STAG3: variants seen among roughly 807,000 people sequenced by gnomAD.
STAG3 encodes the protein cohesin subunit SA-3.
In STAG3, 101 loss-of-function variants were observed where a neutral mutation model predicts 160.7. That is an observed-to-expected ratio of 0.63 (90% CI 0.54 to 0.74). The LOEUF (loss-of-function observed/expected upper bound fraction) is 0.74. Ranked by LOEUF, STAG3 falls within the 30% of genes least tolerant of loss-of-function variation. The pLI, the probability that STAG3 is intolerant of heterozygous loss-of-function variation, is 0.00. For synonymous variants in STAG3, 519 were observed against 585.0 expected (o/e 0.89, Z 1.63); for missense variants, 1,188 against 1,517.4 (o/e 0.78, Z 3.61).
chr7:100,204,614 C>G lies in STAG3; in HGVS notation c.2803-13C>G, dbSNP rs752531607. Reference sequence around the variant, plus strand: ...CCTCCCTTTCCCACATGCACCATGTCTCCTGGACACAGCTGTACACAGAAC... The same window carrying G: ...CCTCCCTTTCCCACATGCACCATGTGTCCTGGACACAGCTGTACACAGAAC... On this transcript the variant is annotated splice_polypyrimidine_tract_variant and intron_variant, in intron 26 of 33. Transcript: ENST00000615138. 1 of 1,613,122 alleles carries G rather than the reference C, an allele frequency of 6.2e-7. No individual in the cohort carries two copies.
rs1371820878 is a variant in STAG3, at chr7:100,197,883, T to C, written c.1164+7T>C. 2 of 1,612,232 alleles carry C rather than the reference T, an allele frequency of 1.2e-6. No homozygotes were observed. Among genetic ancestry groups the C allele is most frequent in the Non-Finnish European group, 1.7e-6 (2 of 1,178,518 alleles). On this transcript the variant is annotated splice_region_variant and intron_variant, in intron 11 of 33. Transcript: ENST00000615138. ...CTTCACCAGCCGCTTCAAGGTAAAA[T>C]GGGTGGTGCTCCATGGCTTGGCTCT... is the stretch of plus-strand genomic sequence containing the variant.
Position 100,197,849 on chromosome 7 carries a change from C to T in STAG3, c.1137C>T (p.Arg379=). 1 of 1,614,002 alleles carries T rather than the reference C, an allele frequency of 6.2e-7. No homozygotes were observed. Among genetic ancestry groups the T allele is most frequent in the Non-Finnish European group, 8.5e-7 (1 of 1,180,002 alleles). ...ACGGTAACCGGGACCTGACCACACG[C>T]CTGGAGCTCTTCACCAGCCGCTTCA... The part of the protein sequence containing the change: ...GLYGNRDLTT[R]LELFTSRFKD... The change falls in exon 11 of 34, where the codon CGC becomes CGT. Residue 379 remains arginine, a synonymous_variant. Coordinates refer to ENST00000615138, the MANE Select transcript of STAG3 (RefSeq NM_001282717.2).
chr7:100,198,155 A>G lies in STAG3; in HGVS notation c.1233A>G (p.Ile411Met), dbSNP rs1554407268. 1 of 1,613,906 alleles carries G rather than the reference A, an allele frequency of 6.2e-7. No homozygotes were observed. The highest frequency in any genetic ancestry group is 1.1e-5 in the South Asian group (1 of 91,074). ...DVAVEAVRLL[I>M]LILKNMEGVL... ...CAGTGGAGGCTGTCAGATTACTGAT[A>G]CTTATCCTTAAGTGAGTCCTGGGAA... The change falls in exon 12 of 34, where the codon ATA (isoleucine) becomes ATG (methionine). Residue 411 changes from isoleucine to methionine, a missense_variant. Ile to Met is a conservative substitution (Grantham distance 10, BLOSUM62 1). Transcript: ENST00000615138.
downstream of STAG3, among the ~76,000 whole-genome samples, chr7:100,216,819 T>A (rs1802792129): frequency 6.6e-6 from 1 of 152,138 alleles, no homozygotes; most frequent in Admixed American, 6.5e-5. Flanking sequence ...ATGACCTTCA[T>A]AACTGCCAGG....
rs757933572 is a variant in STAG3, at chr7:100,204,847, G to T, written c.2951+72G>T. ...AGGTCTTGGAGGGAGGTCTCGGAGGGAGGGTATGTGTGTCAAGGCATAGCA... is the reference window on the plus strand; with the variant it reads ...AGGTCTTGGAGGGAGGTCTCGGAGGTAGGGTATGTGTGTCAAGGCATAGCA... On this transcript the variant is annotated intron_variant, in intron 27 of 33. Coordinates refer to ENST00000615138, the MANE Select transcript of STAG3 (RefSeq NM_001282717.2). 4 of 1,599,994 alleles carry T rather than the reference G, an allele frequency of 2.5e-6. No homozygotes were observed. The South Asian group carries it at 4.5e-5, about 18-fold the overall frequency.
At chr7:100,184,464 T>G (rs13224832) in intron 4 of STAG3, among the ~76,000 whole-genome samples, 89 of 58,132 alleles carry the variant, frequency 1.5e-3, no homozygotes, top group East Asian at 2.9e-3. Context: ...AGCGTGTTAG[T>G]TTTTTTTTTT....
At position 100,189,506 on chromosome 7, in the gene STAG3, C is replaced by G. The variant is rs1269202820; in HGVS notation, c.777C>G (p.Asn259Lys). The G allele has an allele frequency of 6.2e-7, 1 of 1,614,144 alleles. No individual in the cohort carries two copies. The highest frequency in any genetic ancestry group is 2.2e-5 in the East Asian group (1 of 44,882). ...TCCAACTGAGTGTGCACCAAGATAA[C>G]AATCAGCGTCAGTATGAGGCTGAAA... is the stretch of plus-strand genomic sequence containing the variant. ...VALQLSVHQDNNQRQYEAERN... is the reference protein window; with the variant it reads ...VALQLSVHQDKNQRQYEAERN... The change falls in exon 8 of 34, where the codon AAC (asparagine) becomes AAG (lysine). Residue 259 changes from asparagine (N) to lysine (K), a missense_variant. Transcript: ENST00000615138.
rs1302756412 is a variant in STAG3 at position 100,204,994 on chromosome 7, GC to G, written c.2952-8del. The G allele has an allele frequency of 6.2e-7, 1 of 1,612,292 alleles. No homozygotes were observed. Among genetic ancestry groups the G allele is most frequent in the Non-Finnish European group, 8.5e-7 (1 of 1,179,114 alleles). ...GAGACTTTCTTCCTAAAATAATTCT[GC>G]CCAACCAAGGGAAGGCATCCAGTTC... On this transcript the variant is annotated splice_polypyrimidine_tract_variant and intron_variant, in intron 27 of 33. Transcript: ENST00000615138.
Position 100,198,457 on chromosome 7 carries a change from C to T in STAG3, c.1245-18C>T. On this transcript the variant is annotated intron_variant, in intron 12 of 33. Transcript: ENST00000615138. ...CAATGTCCCTATTCACATACTCTTT[C>T]TGCTTTTCTGTGGGCAGGAACATGG... is the stretch of plus-strand genomic sequence containing the variant. The T allele has an allele frequency of 6.2e-7, 1 of 1,613,744 alleles. No individual in the cohort carries two copies. The highest frequency in any genetic ancestry group is 8.5e-7 in the Non-Finnish European group (1 of 1,179,628).
intron 8 of STAG3, among the ~76,000 whole-genome samples, chr7:100,190,538 ATCTTT>A (rs762591662): frequency 1.3e-4 from 20 of 152,240 alleles, no homozygotes; most frequent in Admixed American, 3.9e-4. Context: ...ACTAGTGCGA[ATCTTT>A]TCTTTTCTTT....
At position 100,202,284 on chromosome 7, in the gene STAG3, A is replaced by G; in HGVS notation, c.2507A>G (p.Glu836Gly). 1 of 1,614,032 alleles carries G rather than the reference A, an allele frequency of 6.2e-7. No individual in the cohort carries two copies. Among genetic ancestry groups the G allele is most frequent in the Admixed American group, 1.7e-5 (1 of 60,008 alleles). Residue 836 changes from glutamate to glycine, a missense_variant, in exon 24 of 34, where the codon GAG (glutamate) becomes GGG (glycine). This residue lies in a region of STAG3 where 647 missense variants were observed against 717.2 expected (regional missense o/e 0.90). Transcript: ENST00000615138. ...TTTCCTGAAGCTACTCTCCAGTCTG[A>G]GCTAGCCAGCTTCCTCATGGACCAC... ...VFFPEATLQSELASFLMDHVF... is the reference protein window; with the variant it reads ...VFFPEATLQSGLASFLMDHVF...
At chr7:100,194,664 A>C (rs1228818207) in intron 8 of STAG3, among the ~76,000 whole-genome samples, 1 of 152,098 alleles carries the variant, frequency 6.6e-6, no homozygotes, top group Non-Finnish European at 1.5e-5. Flanking sequence ...GTGTGGCAGC[A>C]TGCATCTGGA....
intron 4 of STAG3, among the ~76,000 whole-genome samples, chr7:100,185,135 G>T (rs1799912173): frequency 6.6e-6 from 1 of 151,996 alleles, no homozygotes; most frequent in South Asian, 2.1e-4. Context: ...ACCTCCCTCA[G>T]TGGCGAGGTG....
intron 9 of STAG3, among the ~76,000 whole-genome samples, 179 bp from the exon 10 acceptor site, chr7:100,196,977 T>A (rs568994606): frequency 2.0e-5 from 3 of 152,094 alleles, no homozygotes; most frequent in East Asian, 1.9e-4. Flanking sequence ...TTAAAAAAAA[T>A]ATTTACATGT....
downstream of STAG3, among the ~76,000 whole-genome samples, chr7:100,215,929 C>T (rs1802714601): frequency 6.6e-6 from 1 of 152,154 alleles, no homozygotes; most frequent in Non-Finnish European, 1.5e-5. Flanking sequence ...TGGGTTCACA[C>T]TTGGAACCCG....
chr7:100,190,848 C>T (rs997461564), intron 8 of STAG3, among the ~76,000 whole-genome samples: 1 of 152,162 alleles, frequency 6.6e-6, no homozygotes. Flanking sequence ...TTCCTAATTC[C>T]TAAAGCCAGT....
chr7:100,213,818 C>T lies in STAG3; in HGVS notation c.3672+12C>T, dbSNP rs528398614. 1 of 1,614,174 alleles carries T rather than the reference C, an allele frequency of 6.2e-7. No homozygotes were observed. The highest frequency in any genetic ancestry group is 1.7e-5 in the Admixed American group (1 of 60,022). Reference sequence around the variant, plus strand: ...AGCTGGATATTGAGGTGAGTGTCCCCAGAGCAGGAGTTATGTATCCTTCGG... The same window carrying T: ...AGCTGGATATTGAGGTGAGTGTCCCTAGAGCAGGAGTTATGTATCCTTCGG... On this transcript the variant is annotated intron_variant, in intron 33 of 33. Coordinates refer to ENST00000615138, the MANE Select transcript of STAG3 (RefSeq NM_001282717.2).
chr7:100,190,535 C>T (rs1437938265), intron 8 of STAG3, among the ~76,000 whole-genome samples: 4 of 152,100 alleles, frequency 2.6e-5, no homozygotes, highest in East Asian at 1.9e-4. Context: ...TACACTAGTG[C>T]GAATCTTTTC....
At position 100,211,859 on chromosome 7, in the gene STAG3, C is replaced by A; in HGVS notation, c.3583C>A (p.Arg1195=). The change falls in exon 32 of 34, where the codon CGG becomes AGG. Residue 1195 remains arginine, a synonymous_variant. Transcript: ENST00000615138. ...AATCCAGGATGAGTCAAATGAAGAACGGCAGGATACAGACATGGTGAGTAG... is the reference window on the plus strand; with the variant it reads ...AATCCAGGATGAGTCAAATGAAGAAAGGCAGGATACAGACATGGTGAGTAG... ...LEIQDESNEE[R]QDTDMQASSY... The A allele has an allele frequency of 6.2e-7, 1 of 1,614,062 alleles. No individual in the cohort carries two copies.
Sources: allele counts gnomAD v4.1 joint callset (sites outside exome capture counted in the v4.1 genomes callset), GRCh38; gene constraint gnomAD v4.1.1; regional missense constraint gnomAD v4.1.1; transcripts MANE v1.5; gene names NCBI Gene and HGNC (gene_info 2026-07-23, HGNC 2026-07-21).